Variants in ANXA10 observed in about 807,000 individuals in gnomAD.
ANXA10 encodes annexin 14.
In ANXA10, 49 loss-of-function variants were observed where a neutral mutation model predicts 53.5. The ratio of observed to expected loss-of-function variants is 0.92; its 90% CI spans 0.73 to 1.16. The LOEUF is 1.16. Among genes scored for constraint, ANXA10 ranks in the 50% most tolerant of loss-of-function variants. The pLI is 0.00. For synonymous variants in ANXA10, 131 were observed against 128.9 expected, an observed-to-expected ratio of 1.02 and a Z score of -0.11; for missense variants, 393 against 394.4, an observed-to-expected ratio of 1.00 and a Z score of 0.03.
chr4:168,145,696 C>A (rs1731395046), intron 3 of ANXA10, among the ~76,000 whole-genome samples: 1 of 152,164 alleles, frequency 6.6e-6, no homozygotes, highest in South Asian at 2.1e-4. Flanking sequence ...GTTTATATGA[C>A]CCTTTTCCTC....
At chr4:168,138,988 T>C (rs1731283761) in intron 2 of ANXA10, among the ~76,000 whole-genome samples, 1 of 152,196 alleles carries the variant, frequency 6.6e-6, no homozygotes, top group Non-Finnish European at 1.5e-5. Context: ...TCTAGGAGTC[T>C]TTTAGAGGAG....
intron 1 of ANXA10, among the ~76,000 whole-genome samples, chr4:168,123,089 C>T (rs1235856437): frequency 2.0e-5 from 3 of 151,992 alleles, no homozygotes; most frequent in Non-Finnish European, 4.4e-5. Flanking sequence ...AGCAGGAAAC[C>T]ACGTAGGTTT....
intron 1 of ANXA10, among the ~76,000 whole-genome samples, chr4:168,107,863 G>A (rs896294505): frequency 1.3e-5 from 2 of 152,016 alleles, no homozygotes; most frequent in Admixed American, 6.6e-5. Context: ...ATTATATTGG[G>A]GGGTAGGGCT....
chr4:168,168,075 A>G (rs983822066), intron 6 of ANXA10, among the ~76,000 whole-genome samples: 3 of 152,204 alleles, frequency 2.0e-5, no homozygotes, highest in African/African-American at 4.8e-5. Context: ...CTAAAAGCAT[A>G]AAGTAAATGC....
chr4:168,152,125 G>C (rs1239025537), intron 3 of ANXA10, among the ~76,000 whole-genome samples: 1 of 152,220 alleles, frequency 6.6e-6, no homozygotes, highest in Non-Finnish European at 1.5e-5. Context: ...GGGTGGGAGA[G>C]ATCATGCATA....
chr4:168,112,525 T>G (rs1190826086), intron 1 of ANXA10, among the ~76,000 whole-genome samples: 1 of 152,210 alleles, frequency 6.6e-6, no homozygotes, highest in African/African-American at 2.4e-5. Flanking sequence ...TTTTCTTAAC[T>G]TTTTATGTCA....
rs561996343 is a variant in ANXA10 at position 168,097,385 on chromosome 4, C to T, written c.18+4667C>T. Among the ~76,000 whole-genome samples, 7 of 152,080 alleles carry T rather than the reference C, an allele frequency of 4.6e-5. 1 individual carries two copies. The South Asian group carries it at 1.5e-3, about 32-fold the overall frequency. On this transcript the variant is annotated intron_variant, in intron 1 of 11. Coordinates refer to ENST00000359299, the MANE Select transcript of ANXA10 (RefSeq NM_007193.5). Reference sequence around the variant, plus strand: ...CGCCTTTGCCAGAAGTATTCCAGGGCCAAATTCTTGAAACTCTTCTCCTTC... The same window carrying T: ...CGCCTTTGCCAGAAGTATTCCAGGGTCAAATTCTTGAAACTCTTCTCCTTC...
intron 10 of ANXA10, among the ~76,000 whole-genome samples, 170 bp downstream of exon 10, chr4:168,181,911 T>G (rs190817528): frequency 5.6e-4 from 86 of 152,282 alleles, no homozygotes; most frequent in Non-Finnish European, 1.1e-3. Context: ...ATAAGACATA[T>G]CAGATAAAAA....
At chr4:168,135,968 G>T (rs1731230829) in intron 2 of ANXA10, among the ~76,000 whole-genome samples, 1 of 152,168 alleles carries the variant, frequency 6.6e-6, no homozygotes, top group East Asian at 1.9e-4. Context: ...GAGACCTCAG[G>T]AAACTTACAA....
intron 6 of ANXA10, 59 bp downstream of exon 6, chr4:168,165,385 T>C: frequency 1.4e-6 from 1 of 726,356 alleles, no homozygotes; most frequent in South Asian, 3.8e-5. Context: ...GTATATGTCA[T>C]TGCCAAAAAA....
intron 3 of ANXA10, among the ~76,000 whole-genome samples, chr4:168,161,639 T>C (rs2149477080): frequency 6.6e-6 from 1 of 152,340 alleles, no homozygotes; most frequent in South Asian, 2.1e-4. Context: ...ATTGAATCTA[T>C]AAATTACTTT....
intron 6 of ANXA10, among the ~76,000 whole-genome samples, chr4:168,172,786 ATTTTTT>A (rs34280639): frequency 3.0e-5 from 4 of 133,698 alleles, no homozygotes; most frequent in Non-Finnish European, 3.2e-5. Flanking sequence ...GTATGTTGCC[ATTTTTT>A]TTTTTTTTTT....
At chr4:168,105,737 G>A (rs1350527506) in intron 1 of ANXA10, among the ~76,000 whole-genome samples, 1 of 152,086 alleles carries the variant, frequency 6.6e-6, no homozygotes, top group Admixed American at 6.6e-5. Context: ...CCCACCAACA[G>A]TATATAAGCA....
chr4:168,140,516 C>T (rs1035035881), intron 3 of ANXA10, among the ~76,000 whole-genome samples: 1 of 152,212 alleles, frequency 6.6e-6, no homozygotes, highest in Non-Finnish European at 1.5e-5. Flanking sequence ...GTTCCACCTA[C>T]ACCAGTACTA....
At position 168,170,232 on chromosome 4, in the gene ANXA10, CT is replaced by C. The variant is rs979566763; in HGVS notation, c.480+4914del. Among the ~76,000 whole-genome samples, 16 of 151,862 alleles carry C rather than the reference CT, an allele frequency of 1.1e-4. No individual in the cohort carries two copies. The East Asian group carries it at 2.3e-3, about 22-fold the overall frequency. On this transcript the variant is annotated intron_variant, in intron 6 of 11. Coordinates refer to ENST00000359299, the MANE Select transcript of ANXA10 (RefSeq NM_007193.5). Reference sequence around the variant, plus strand: ...TATGAATGAACAGGATGAACTATTACTTTTTTTTAAAGATAACATCAACTTG... The same window carrying C: ...TATGAATGAACAGGATGAACTATTACTTTTTTTAAAGATAACATCAACTTG...
At chr4:168,107,595 T>C (rs1730738133) in intron 1 of ANXA10, among the ~76,000 whole-genome samples, 1 of 152,140 alleles carries the variant, frequency 6.6e-6, no homozygotes, top group South Asian at 2.1e-4. Context: ...CAAAATACCA[T>C]AGACTGGGTG....
chr4:168,181,623 C>A, intron 9 of ANXA10, 60 bp from the exon 10 acceptor site: 1 of 1,343,524 alleles, frequency 7.4e-7, no homozygotes, highest in South Asian at 1.2e-5. Flanking sequence ...TTCTCAAATT[C>A]TGACGAAAAT....
At chr4:168,095,443 G>T (rs964498230) in intron 1 of ANXA10, among the ~76,000 whole-genome samples, 7 of 151,870 alleles carry the variant, frequency 4.6e-5, no homozygotes, top group Non-Finnish European at 8.8e-5. Context: ...ATAGCAGTAT[G>T]AAAAGTAGGA....
At chr4:168,134,188 C>T (rs373419790) in intron 2 of ANXA10, among the ~76,000 whole-genome samples, 7 of 152,058 alleles carry the variant, frequency 4.6e-5, no homozygotes, top group African/African-American at 1.4e-4. Flanking sequence ...GTAACTTTAG[C>T]AAAATAAACC....
Sources: allele counts gnomAD v4.1 joint callset (sites outside exome capture counted in the v4.1 genomes callset), GRCh38; gene constraint gnomAD v4.1.1; transcripts MANE v1.5; gene names NCBI Gene and HGNC (gene_info 2026-07-23, HGNC 2026-07-21).